The following ZNF346 variants were observed in gnomAD, a reference collection of about 807,000 sequenced individuals.
ZNF346 encodes the protein zinc finger protein 346, also known as double-stranded RNA-binding zinc finger protein JAZ.
A neutral mutation model predicts 33.7 loss-of-function variants in ZNF346; 23 were observed. That is an observed-to-expected ratio of 0.68 (90% CI 0.49 to 0.97). ZNF346 has a LOEUF of 0.97. ZNF346 is among the 50% of genes least tolerant of loss of function. ZNF346 has a pLI of 0.00. For synonymous variants in ZNF346, 134 were observed against 142.4 expected, an observed-to-expected ratio of 0.94 and a Z score of 0.42; for missense variants, 340 against 371.1, an observed-to-expected ratio of 0.92 and a Z score of 0.69.
chr5:177,073,165 T>C (rs1055194553), intron 8 of ZNF346, among the ~76,000 whole-genome samples: 1 of 152,250 alleles, frequency 6.6e-6, no homozygotes, highest in Non-Finnish European at 1.5e-5. Context: ...GGTCTTATGA[T>C]ACTGCATCCC....
rs200190563 is a variant in ZNF346 at position 177,055,379 on chromosome 5, AT to A, written c.703+4447del. On this transcript the variant is annotated intron_variant, in intron 5 of 6. Transcript: ENST00000358149. ...GAGACTTCATATAGCTATCTCTGAA[AT>A]TTTGGGCACTAAAAGAACTTGAGAA... 9.3e-3 allele frequency among the ~76,000 whole-genome samples: 1,417 copies of A among 152,226 alleles called. 21 individuals carry two copies. The highest frequency in any genetic ancestry group is 0.033 in the African/African-American group (1,358 of 41,536).
intron 1 of ZNF346, among the ~76,000 whole-genome samples, chr5:177,038,457 C>G (rs747590147): frequency 1.7e-4 from 26 of 150,810 alleles, no homozygotes; most frequent in Non-Finnish European, 3.4e-4. Flanking sequence ...ATTCTCTACC[C>G]CGTACTCTGC....
chr5:177,062,188 C>A (rs919731924), intron 6 of ZNF346, 37 bp downstream of exon 6: 2 of 1,550,310 alleles, frequency 1.3e-6, no homozygotes, highest in Non-Finnish European at 1.8e-6. Flanking sequence ...GGATCCATAG[C>A]AGGAGCTCAG....
intron 3 of ZNF346, among the ~76,000 whole-genome samples, chr5:177,044,078 C>T (rs1271126151): frequency 5.3e-5 from 8 of 151,620 alleles, no homozygotes. Context: ...GAGAAAGTCC[C>T]CCAGAGGAAA....
chr5:177,034,480 G>C (rs1176394303), intron 1 of ZNF346, among the ~76,000 whole-genome samples: 3 of 152,106 alleles, frequency 2.0e-5, no homozygotes, highest in Non-Finnish European at 4.4e-5. Context: ...TTCCACCTCA[G>C]CCTCCCAAAG....
intron 1 of ZNF346, among the ~76,000 whole-genome samples, chr5:177,024,308 C>T (rs569710578): frequency 2.8e-5 from 4 of 144,644 alleles, no homozygotes; most frequent in Admixed American, 1.5e-4. Context: ...CAATTCTATA[C>T]TGCCTCAGCC....
chr5:177,032,463 T>C (rs1471042150), intron 1 of ZNF346, among the ~76,000 whole-genome samples: 1 of 150,964 alleles, frequency 6.6e-6, no homozygotes, highest in Non-Finnish European at 1.5e-5. Flanking sequence ...CAGGCTGGAG[T>C]GCAATGGCAC....
Position 177,041,202 on chromosome 5 carries a change from T to A in ZNF346, c.252T>A (p.Ser84=), listed in dbSNP as rs768122310. 6.2e-7 allele frequency: 1 copy of A among 1,614,232 alleles called. No individual in the cohort carries two copies. The highest frequency in any genetic ancestry group is 1.1e-5 in the South Asian group (1 of 91,082). ...AGGTTTGCTGCGCCTTGCTTATTTC[T>A]GAGTCCCAGAAGCTGGCACATTACC... ...QCKVCCALLI[S]ESQKLAHYQS... is the part of the protein sequence containing the mutation. The change falls in exon 2 of 7, where the codon TCT becomes TCA. Residue 84 remains serine, a synonymous_variant. Transcript: ENST00000358149.
intron 1 of ZNF346, among the ~76,000 whole-genome samples, chr5:177,027,576 G>A (rs1776976206): frequency 1.6e-5 from 2 of 128,184 alleles, no homozygotes; most frequent in Non-Finnish European, 1.6e-5. Context: ...ACACAGTTGA[G>A]ACTTTGTCTC....
Position 177,064,201 on chromosome 5 carries a change from GT to G in ZNF346, c.798-310del. The stretch of plus-strand genomic sequence containing the variant: ...GCCCTGTAGGCAGTGGTTTGGTATA[GT>G]GAAAAGGCATTGGCTACAGTCCTGA... On this transcript the variant is annotated intron_variant, in intron 6 of 6. Coordinates refer to ENST00000358149, the MANE Select transcript of ZNF346 (RefSeq NM_012279.4). 1.3e-5 allele frequency among the ~76,000 whole-genome samples: 2 copies of G among 152,340 alleles called. 1 individual carries two copies. The highest frequency in any genetic ancestry group is 4.1e-4 in the South Asian group (2 of 4,824).
Position 177,022,719 on chromosome 5 carries a change from G to C in ZNF346, c.-20G>C. On this transcript the variant is annotated 5_prime_UTR_variant, in exon 1 of 7. Transcript: ENST00000358149. Reference sequence around the variant, plus strand: ...CTAGGCGCCTGAGAGGCTCTCTACCGGTGAGGGTTTGCGGGGAAGATGGAG... The same window carrying C: ...CTAGGCGCCTGAGAGGCTCTCTACCCGTGAGGGTTTGCGGGGAAGATGGAG... 6 of 1,539,426 alleles carry C rather than the reference G, an allele frequency of 3.9e-6. No individual in the cohort carries two copies. Among genetic ancestry groups the C allele is most frequent in the Non-Finnish European group, 4.4e-6 (5 of 1,148,578 alleles).
chr5:177,044,304 G>T, intron 3 of ZNF346, 85 bp from the exon 4 acceptor site: 3 of 1,526,462 alleles, frequency 2.0e-6, no homozygotes. Flanking sequence ...ATAAATGCCT[G>T]TTCTGTTATG....
At chr5:177,075,924 C>T (rs188764008) in intron 8 of ZNF346, among the ~76,000 whole-genome samples, 135 of 152,280 alleles carry the variant, frequency 8.9e-4, no homozygotes, top group African/African-American at 3.2e-3. Context: ...CAACCTCAGG[C>T]GATTGACCTG....
intron 5 of ZNF346, among the ~76,000 whole-genome samples, chr5:177,053,993 T>C (rs1781329206): frequency 1.3e-5 from 2 of 151,834 alleles, no homozygotes; most frequent in Non-Finnish European, 1.5e-5. Flanking sequence ...CTAAACAGGG[T>C]AGAATGGGAT....
chr5:177,069,072 G>T (rs1783372012), downstream of ZNF346, among the ~76,000 whole-genome samples: 1 of 143,012 alleles, frequency 7.0e-6, no homozygotes, highest in Admixed American at 6.7e-5. Context: ...AGTTTTGCTT[G>T]CTCTTGAGTT....
chr5:177,069,561 C>T (rs1260776023), downstream of ZNF346, among the ~76,000 whole-genome samples: 1 of 151,996 alleles, frequency 6.6e-6, no homozygotes, highest in African/African-American at 2.4e-5. Context: ...GAGATGTTCT[C>T]ACTCTGGCCC....
chr5:177,045,289 A>G lies in ZNF346; in HGVS notation c.517+756A>G, dbSNP rs142005543. Among the ~76,000 whole-genome samples the G allele has an allele frequency of 9.1e-3, 1,385 of 152,246 alleles. 8 individuals are homozygous for G. Among genetic ancestry groups the G allele is most frequent in the South Asian group, 0.025 (121 of 4,826 alleles). The stretch of plus-strand genomic sequence containing the variant: ...AGTAGACTACACTATTAGTAATACT[A>G]TTATCCTTTTTGTGTTTACTGACAA... On this transcript the variant is annotated intron_variant, in intron 4 of 6. Coordinates refer to ENST00000358149, the MANE Select transcript of ZNF346 (RefSeq NM_012279.4).
intron 1 of ZNF346, among the ~76,000 whole-genome samples, chr5:177,026,870 G>A (rs1031377740): frequency 2.0e-5 from 3 of 152,178 alleles, no homozygotes; most frequent in African/African-American, 7.2e-5. Context: ...TTAAGCTGTA[G>A]GATGTAGGAT....
At chr5:177,041,707 A>G (rs1254305033) in intron 2 of ZNF346, 71 bp from the exon 3 acceptor site, 1 of 964,758 alleles carries the variant, frequency 1.0e-6, no homozygotes, top group Non-Finnish European at 1.6e-6. Flanking sequence ...AAAATCTCAT[A>G]AGTGTTTTTG....
Sources: gnomAD v4.1 joint callset for allele counts (sites outside exome capture counted in the v4.1 genomes callset) on GRCh38, gnomAD v4.1.1 for gene constraint, MANE v1.5 for transcripts, NCBI Gene and HGNC (gene_info 2026-07-23, HGNC 2026-07-21) for gene names.